The following ARHGAP39 variants were observed in gnomAD, a reference collection of about 807,000 sequenced individuals.
ARHGAP39 encodes the protein Rho GTPase activating protein 39, also known as rho GTPase-activating protein 39.
In ARHGAP39, 44 loss-of-function variants were observed where a neutral mutation model predicts 106.9. The ratio of observed to expected loss-of-function variants is 0.41; its 90% CI spans 0.32 to 0.53. The LOEUF (loss-of-function observed/expected upper bound fraction) is 0.53, where lower values mean the gene tolerates loss of function less well. Among genes scored for constraint, ARHGAP39 ranks in the 20% least tolerant of loss-of-function variants. The probability of loss-of-function intolerance (pLI) is 0.21; values close to 1 mark genes in which losing one functional copy is unlikely to be tolerated. For missense variants in ARHGAP39, 1,496 were observed against 1,577.3 expected (o/e 0.95, Z 0.87); for synonymous variants, 768 against 693.2 (o/e 1.11, Z -1.69).
intron 1 of ARHGAP39, among the ~76,000 whole-genome samples, chr8:144,675,373 T>TCC (rs1258206193): frequency 6.6e-6 from 1 of 152,234 alleles, no homozygotes; most frequent in Non-Finnish European, 1.5e-5. Context: ...CTTGCTGACT[T>TCC]CAAGAACGAA....
intron 7 of ARHGAP39, among the ~76,000 whole-genome samples, chr8:144,536,456 G>A (rs1027671812): frequency 1.3e-5 from 2 of 152,212 alleles, no homozygotes; most frequent in African/African-American, 4.8e-5. Flanking sequence ...TGCTCCGCCT[G>A]GCTGCAGCCA....
rs1374328782 is a variant in ARHGAP39 at position 144,670,185 on chromosome 8, G to A, written c.-82+15501C>T. Among the ~76,000 whole-genome samples, 4 of 151,616 alleles carry A rather than the reference G, an allele frequency of 2.6e-5. No individual in the cohort carries two copies. Among genetic ancestry groups the A allele is most frequent in the African/African-American group, 9.7e-5 (4 of 41,260 alleles). On this transcript the variant is annotated intron_variant, in intron 1 of 11. Coordinates refer to ENST00000377307, the MANE Select transcript of ARHGAP39 (RefSeq NM_025251.3). The surrounding 1 kb of genome is among the most constrained non-coding windows in gnomAD (Gnocchi z 4.4). Reference sequence around the variant, plus strand: ...GATCAGGGCCTGGGACCAGGCGGCTGTAAAAAGCAACAGAGCTCGGACGCA... The same window carrying A: ...GATCAGGGCCTGGGACCAGGCGGCTATAAAAAGCAACAGAGCTCGGACGCA...
intron 2 of ARHGAP39, among the ~76,000 whole-genome samples, chr8:144,589,041 G>A (rs533623797): frequency 1.3e-5 from 2 of 152,314 alleles, no homozygotes; most frequent in African/African-American, 4.8e-5. Context: ...GCAAACCCAA[G>A]CGTCTGCATA....
chr8:144,633,564 T>G (rs1380804118), intron 1 of ARHGAP39, among the ~76,000 whole-genome samples: 2 of 152,266 alleles, frequency 1.3e-5, no homozygotes, highest in East Asian at 3.8e-4. Context: ...CAGCTACTAA[T>G]TCAAAGCTAA....
intron 4 of ARHGAP39, among the ~76,000 whole-genome samples, chr8:144,552,429 C>T (rs574052280): frequency 5.3e-5 from 8 of 152,340 alleles, no homozygotes; most frequent in African/African-American, 1.9e-4. Context: ...CGCAGGTTTC[C>T]GAGGAAAACG....
At chr8:144,607,884 C>T (rs757291892) in intron 1 of ARHGAP39, among the ~76,000 whole-genome samples, 5 of 152,110 alleles carry the variant, frequency 3.3e-5, no homozygotes, top group African/African-American at 7.2e-5. Flanking sequence ...AGGCCGGGCG[C>T]GGTGGCTCAT....
At chr8:144,595,172 C>A (rs190871751) in intron 2 of ARHGAP39, among the ~76,000 whole-genome samples, 6 of 152,260 alleles carry the variant, frequency 3.9e-5, no homozygotes, top group African/African-American at 1.4e-4. Context: ...TTCATAATAG[C>A]CAAAAAGTGG....
intron 1 of ARHGAP39, among the ~76,000 whole-genome samples, chr8:144,655,396 G>C (rs1373716741): frequency 1.3e-5 from 2 of 152,152 alleles, no homozygotes; most frequent in Non-Finnish European, 2.9e-5. Flanking sequence ...GACCTGCAGA[G>C]ACACCAGGAC....
At position 144,671,641 on chromosome 8, in the gene ARHGAP39, ACTC is replaced by A. The variant is rs1822104197; in HGVS notation, c.-82+14042_-82+14044del. ...AATAGCCCAAGGCTCAGCTGCTGAT[ACTC>A]CTCCTTTCCAGACAAGACACCCCTT... On this transcript the variant is annotated intron_variant, in intron 1 of 11. Coordinates refer to ENST00000377307, the MANE Select transcript of ARHGAP39 (RefSeq NM_025251.3). This position sits in a 1 kb window ranked among gnomAD's most constrained non-coding sequence, Gnocchi z 4.5. Among the ~76,000 whole-genome samples, 1 of 151,682 alleles carries A rather than the reference ACTC, an allele frequency of 6.6e-6. No homozygotes were observed. The highest frequency in any genetic ancestry group is 2.4e-5 in the African/African-American group (1 of 41,256).
intron 6 of ARHGAP39, among the ~76,000 whole-genome samples, chr8:144,538,147 G>A (rs1359913343): frequency 1.3e-5 from 2 of 152,232 alleles, no homozygotes; most frequent in Non-Finnish European, 2.9e-5. Flanking sequence ...CTGGCTGGCA[G>A]CAAGGCTGGG....
Position 144,548,244 on chromosome 8 carries a change from A to G in ARHGAP39, c.842T>C (p.Leu281Pro), listed in dbSNP as rs745377517. The G allele has an allele frequency of 3.7e-6, 6 of 1,608,424 alleles. No homozygotes were observed. The Admixed American group carries it at 5.0e-5, about 14-fold the overall frequency. Residue 281 changes from leucine (L) to proline (P), a missense_variant, in exon 5 of 12, where the codon CTC (leucine) becomes CCC (proline). Leu to Pro is a moderately conservative substitution (Grantham distance 98). This residue lies in a region of ARHGAP39 where 905 missense variants were observed against 816.4 expected (regional missense o/e 1.11). Coordinates refer to ENST00000377307, the MANE Select transcript of ARHGAP39 (RefSeq NM_025251.3). The surrounding 1 kb of genome is among the most constrained non-coding windows in gnomAD (Gnocchi z 7.4). The part of the protein sequence containing the change: ...RPSPFLKRAE[L>P]PGSSSPLLAQ... ...CAGCAGCGGGGAGCTGCTCCCTGGG[A>G]GCTCGGCCCTCTTCAGGAAGGGTGA...
intron 2 of ARHGAP39, among the ~76,000 whole-genome samples, chr8:144,599,778 TG>T (rs1819774749): frequency 6.6e-6 from 1 of 152,238 alleles, no homozygotes; most frequent in African/African-American, 2.4e-5. Context: ...GTCGCATTCC[TG>T]GGAGACACGT....
chr8:144,557,020 A>T (rs1258903826), intron 3 of ARHGAP39, among the ~76,000 whole-genome samples: 3 of 144,912 alleles, frequency 2.1e-5, no homozygotes, highest in African/African-American at 8.3e-5. Context: ...CCTTCATAGT[A>T]TTCAGTGGCA....
intron 1 of ARHGAP39, among the ~76,000 whole-genome samples, chr8:144,631,834 G>A (rs1331474635): frequency 6.6e-6 from 1 of 152,248 alleles, no homozygotes; most frequent in Non-Finnish European, 1.5e-5. Context: ...TTTTTCCAGA[G>A]AAAGGGCCTC....
At chr8:144,674,965 G>A (rs565351114) in intron 1 of ARHGAP39, among the ~76,000 whole-genome samples, 2 of 152,280 alleles carry the variant, frequency 1.3e-5, no homozygotes, top group East Asian at 1.9e-4. Context: ...TGAGTCTGCA[G>A]GGGAAGGGGG....
intron 3 of ARHGAP39, among the ~76,000 whole-genome samples, chr8:144,560,460 C>A (rs567338323): frequency 3.6e-4 from 55 of 152,138 alleles, no homozygotes; most frequent in Non-Finnish European, 7.4e-4. Flanking sequence ...AATAAAAAAA[C>A]AAATGGCAAA....
intron 2 of ARHGAP39, among the ~76,000 whole-genome samples, chr8:144,600,825 G>T (rs1443327025): frequency 6.6e-6 from 1 of 151,944 alleles, no homozygotes; most frequent in Non-Finnish European, 1.5e-5. Context: ...GTGTGTGCGT[G>T]GAGGCGTGTG....
At position 144,641,654 on chromosome 8, in the gene ARHGAP39, A is replaced by G. The variant is rs1436342682; in HGVS notation, c.-81-35959T>C. 1.3e-5 allele frequency among the ~76,000 whole-genome samples: 2 copies of G among 152,254 alleles called. No individual in the cohort carries two copies. Among genetic ancestry groups the G allele is most frequent in the Non-Finnish European group, 2.9e-5 (2 of 68,048 alleles). ...CGGCCTCCGCCAAAAGCAGAGCCTG[A>G]GACGAGGATGTGGCTTCATGGGCTC... On this transcript the variant is annotated intron_variant, in intron 1 of 11. Transcript: ENST00000377307. The surrounding 1 kb of genome is among the most constrained non-coding windows in gnomAD (Gnocchi z 5.2).
rs140817703 is a variant in ARHGAP39 at position 144,627,274 on chromosome 8, G to A, written c.-81-21579C>T. Among the ~76,000 whole-genome samples the A allele has an allele frequency of 1.2e-3, 183 of 152,320 alleles. 1 individual carries two copies. The highest frequency in any genetic ancestry group is 4.2e-3 in the African/African-American group (173 of 41,570). On this transcript the variant is annotated intron_variant, in intron 1 of 11. Transcript: ENST00000377307. ...CACAATGCAAGAAAGGGGGTCCACT[G>A]GCCGGGCGCGGTGGCTCATGCCTGT...
Sources: allele counts gnomAD v4.1 joint callset (sites outside exome capture counted in the v4.1 genomes callset), GRCh38; gene constraint gnomAD v4.1.1; regional missense constraint gnomAD v4.1.1; non-coding constraint Gnocchi (gnomAD v3.1); transcripts MANE v1.5; gene names NCBI Gene and HGNC (gene_info 2026-07-23, HGNC 2026-07-21).